DENND1A: variants seen among roughly 807,000 people sequenced by gnomAD.
The protein encoded by DENND1A is DENN domain containing 1A.
In DENND1A, 51 loss-of-function variants were observed where a neutral mutation model predicts 113.7. The observed-to-expected ratio is 0.45, with a 90% confidence interval of 0.36 to 0.57. The LOEUF (loss-of-function observed/expected upper bound fraction) is 0.57. Ranked by LOEUF, DENND1A falls within the 20% of genes least tolerant of loss-of-function variation. The probability of loss-of-function intolerance (pLI) is 0.00; values close to 1 mark genes in which losing one functional copy is unlikely to be tolerated. For missense variants in DENND1A, 1,258 were observed against 1,395.9 expected (o/e 0.90, Z 1.57); for synonymous variants, 565 against 570.8 (o/e 0.99, Z 0.14).
intron 11 of DENND1A, among the ~76,000 whole-genome samples, chr9:123,602,641 G>A (rs2059985050): frequency 6.6e-6 from 1 of 152,176 alleles, no homozygotes; most frequent in Admixed American, 6.5e-5. Context: ...GAAACTATCA[G>A]GTGAGATTTT....
At chr9:123,613,506 T>C (rs2060509223) in intron 10 of DENND1A, among the ~76,000 whole-genome samples, 1 of 152,244 alleles carries the variant, frequency 6.6e-6, no homozygotes, top group African/African-American at 2.4e-5. Flanking sequence ...AAAGAACTTA[T>C]TTGTTGCTGT....
At chr9:123,439,668 C>A (rs1297793320) in intron 19 of DENND1A, 2 of 152,240 alleles carry the variant, frequency 1.3e-5, no homozygotes, top group African/African-American at 4.8e-5. Context: ...TAAATCTCTC[C>A]AAATGATGAC....
intron 2 of DENND1A, among the ~76,000 whole-genome samples, chr9:123,796,617 C>T (rs548343862): frequency 1.3e-5 from 2 of 152,140 alleles, no homozygotes; most frequent in South Asian, 2.1e-4. Context: ...CTCCAAAAAC[C>T]CTGAGTTCTG....
At chr9:123,597,886 A>G (rs74744436) in intron 11 of DENND1A, among the ~76,000 whole-genome samples, 5,341 of 152,282 alleles carry the variant, frequency 0.035, 107 homozygotes, top group African/African-American at 0.054. Flanking sequence ...AGGTTTTCAT[A>G]AAGACGACCC....
At chr9:123,612,118 A>T (rs2060445545) in intron 10 of DENND1A, among the ~76,000 whole-genome samples, 1 of 152,220 alleles carries the variant, frequency 6.6e-6, no homozygotes, top group African/African-American at 2.4e-5. Flanking sequence ...ATTTGGACAA[A>T]TACCTTTTAC....
chr9:123,541,764 T>G (rs531004712), intron 13 of DENND1A, among the ~76,000 whole-genome samples: 1 of 152,228 alleles, frequency 6.6e-6, no homozygotes, highest in Non-Finnish European at 1.5e-5. Flanking sequence ...GCAGGAAAGA[T>G]GCACAGAGGA....
intron 5 of DENND1A, among the ~76,000 whole-genome samples, chr9:123,734,792 C>T (rs1244687015): frequency 6.6e-6 from 1 of 152,048 alleles, no homozygotes; most frequent in African/African-American, 2.4e-5. Flanking sequence ...AAGTTTCTGC[C>T]TCATCCTCTC....
intron 11 of DENND1A, among the ~76,000 whole-genome samples, chr9:123,600,489 G>GGCCAAAGT (rs1280350450): frequency 1.3e-5 from 2 of 152,128 alleles, no homozygotes; most frequent in Non-Finnish European, 2.9e-5. Context: ...GAAATTACAC[G>GGCCAAAGT]GCCAAAGTGG....
intron 13 of DENND1A, among the ~76,000 whole-genome samples, chr9:123,490,058 G>A (rs1344448177): frequency 5.3e-5 from 8 of 152,168 alleles, no homozygotes; most frequent in Non-Finnish European, 7.3e-5. Context: ...GGACAATTGT[G>A]AATTCCTACA....
At chr9:123,495,171 T>TC in intron 13 of DENND1A, among the ~76,000 whole-genome samples, 1 of 76,360 alleles carries the variant, frequency 1.3e-5, no homozygotes, top group African/African-American at 6.8e-5. Context: ...CTCTCTCTCT[T>TC]ATAATGTCTG....
At chr9:123,800,866 T>G (rs1294975861) in intron 2 of DENND1A, among the ~76,000 whole-genome samples, 3 of 152,126 alleles carry the variant, frequency 2.0e-5, no homozygotes, top group African/African-American at 7.2e-5. Flanking sequence ...GCTAAACAAA[T>G]AGAGTAAATA....
intron 2 of DENND1A, among the ~76,000 whole-genome samples, chr9:123,845,702 T>G (rs375983516): frequency 3.0e-5 from 3 of 100,284 alleles, no homozygotes; most frequent in Admixed American, 1.0e-4. Context: ...AAAAGAGGAA[T>G]AAAAAAGGAA....
At chr9:123,750,057 G>T (rs1399064466) in intron 5 of DENND1A, among the ~76,000 whole-genome samples, 1 of 152,194 alleles carries the variant, frequency 6.6e-6, no homozygotes, top group African/African-American at 2.4e-5. Context: ...GCTTCCTCCT[G>T]CAGTGGACAG....
intron 2 of DENND1A, among the ~76,000 whole-genome samples, chr9:123,871,596 G>C (rs1846619480): frequency 6.6e-6 from 1 of 152,116 alleles, no homozygotes. Context: ...AATGTGTATA[G>C]TTAGTTAAGA....
chr9:123,637,945 ACACACGCG>A (rs1242216439), intron 9 of DENND1A, among the ~76,000 whole-genome samples: 1 of 19,036 alleles, frequency 5.3e-5, no homozygotes, highest in Non-Finnish European at 1.2e-4. Context: ...ACACACACAC[ACACACGCG>A]CACACACACA....
chr9:123,620,556 A>C (rs183860341), intron 10 of DENND1A, among the ~76,000 whole-genome samples: 46 of 152,324 alleles, frequency 3.0e-4, no homozygotes, highest in Admixed American at 7.2e-4. Context: ...TTTGACTTCC[A>C]AATCTGAACT....
chr9:123,720,778 G>A (rs1104834), intron 5 of DENND1A, among the ~76,000 whole-genome samples: 11,502 of 152,174 alleles, frequency 0.076, 891 homozygotes, highest in African/African-American at 0.2. Context: ...TCCAGCATGC[G>A]TGGGCTGCCT....
intron 13 of DENND1A, among the ~76,000 whole-genome samples, chr9:123,458,711 C>T (rs1288650564): frequency 1.3e-5 from 2 of 152,188 alleles, no homozygotes; most frequent in Non-Finnish European, 2.9e-5. Flanking sequence ...CCTGTAATCC[C>T]AGCATTTTGG....
At chr9:123,491,226 G>A (rs1370133588) in intron 13 of DENND1A, among the ~76,000 whole-genome samples, 3 of 152,166 alleles carry the variant, frequency 2.0e-5, no homozygotes, top group Non-Finnish European at 4.4e-5. Context: ...CAGAAGGAAC[G>A]GTGTAGGCCA....
Sources: gnomAD v4.1 joint callset for allele counts (sites outside exome capture counted in the v4.1 genomes callset) on GRCh38, gnomAD v4.1.1 for gene constraint, MANE v1.5 for transcripts, NCBI Gene and HGNC (gene_info 2026-07-23, HGNC 2026-07-21) for gene names.